The following ACTR5 variants were observed in gnomAD, a reference collection of about 807,000 sequenced individuals.
ACTR5 encodes the protein actin related protein 5.
Under a neutral mutation model 61.2 loss-of-function variants are expected in ACTR5, and 43 were observed. The ratio of observed to expected loss-of-function variants is 0.70; its 90% CI spans 0.55 to 0.91. The LOEUF (loss-of-function observed/expected upper bound fraction) is 0.91. ACTR5 is among the 40% of genes least tolerant of loss of function. The pLI, the probability that ACTR5 is intolerant of heterozygous loss-of-function variation, is 0.00. For synonymous variants in ACTR5, 333 were observed against 310.5 expected (o/e 1.07, Z -0.76); for missense variants, 798 against 782.2 (o/e 1.02, Z -0.24).
intron 3 of ACTR5, among the ~76,000 whole-genome samples, 191 bp from the exon 4 acceptor site, chr20:38,754,766 T>C (rs2084409263): frequency 6.6e-6 from 1 of 152,008 alleles, no homozygotes; most frequent in Admixed American, 6.6e-5. Context: ...TTTTTTTGTA[T>C]TTTTAGTAGA....
At chr20:38,750,921 G>A (rs2254369) in intron 2 of ACTR5, among the ~76,000 whole-genome samples, 38,280 of 151,998 alleles carry the variant, frequency 0.25, 4,961 homozygotes, top group Middle Eastern at 0.35. Context: ...GTGAGCCACC[G>A]CGCCCAGCCA....
intron 8 of ACTR5, 37 bp from the exon 9 acceptor site, chr20:38,771,522 C>G (rs1334462867): frequency 6.3e-7 from 1 of 1,590,552 alleles, no homozygotes; most frequent in African/African-American, 1.3e-5. Context: ...CTCCTGGAGC[C>G]CTGGTGGAGG....
intron 5 of ACTR5, among the ~76,000 whole-genome samples, chr20:38,762,248 A>C (rs1349546754): frequency 6.6e-6 from 1 of 152,240 alleles, no homozygotes; most frequent in African/African-American, 2.4e-5. Context: ...CCAGGCACCC[A>C]CATATGGCCT....
At chr20:38,751,538 T>C (rs1379128514) in intron 2 of ACTR5, among the ~76,000 whole-genome samples, 1 of 152,214 alleles carries the variant, frequency 6.6e-6, no homozygotes, top group African/African-American at 2.4e-5. Context: ...TGGCATCTGC[T>C]GGTGAGGTAT....
At chr20:38,763,616 C>T (rs2145674141) in intron 5 of ACTR5, among the ~76,000 whole-genome samples, 2 of 152,364 alleles carry the variant, frequency 1.3e-5, no homozygotes, top group East Asian at 3.9e-4. Flanking sequence ...TGGAACTGAG[C>T]AGTTCTGCCT....
chr20:38,756,190 T>C, intron 5 of ACTR5, 151 bp downstream of exon 5: 1 of 912,268 alleles, frequency 1.1e-6, no homozygotes, highest in South Asian at 1.9e-5. Flanking sequence ...TTGTACCAAC[T>C]GAAATTCTGT....
Position 38,771,674 on chromosome 20 carries a change from G to A in ACTR5, c.1682G>A (p.Gly561Glu). ...ACCAGGAAAGAGTATGAAGAAAAGG[G>A]AGGAGAGTACCTCAAGGAGCACTGT... ...WITRKEYEEK[G>E]GEYLKEHCAS... Residue 561 changes from glycine to glutamate, a missense_variant, in exon 9 of 9, where the codon GGA (glycine) becomes GAA (glutamate). Physicochemically the swap from Gly to Glu is moderately conservative, Grantham distance 98. Transcript: ENST00000243903. The A allele has an allele frequency of 6.2e-7, 1 of 1,614,204 alleles. No homozygotes were observed. Among genetic ancestry groups the A allele is most frequent in the South Asian group, 1.1e-5 (1 of 91,074 alleles).
At chr20:38,748,939 A>G (rs1197029391) in intron 1 of ACTR5, 86 bp downstream of exon 1, 2 of 1,479,002 alleles carry the variant, frequency 1.4e-6, no homozygotes, top group South Asian at 1.3e-5. Context: ...CGGAGAGGTA[A>G]CAGTCACTTC....
At chr20:38,771,419 C>A in intron 8 of ACTR5, 140 bp from the exon 9 acceptor site, 2 of 1,083,072 alleles carry the variant, frequency 1.8e-6, no homozygotes, top group Non-Finnish European at 2.7e-6. Context: ...GTGGAGCTAG[C>A]CCCGAACTGT....
At chr20:38,758,507 C>T (rs986832187) in intron 5 of ACTR5, among the ~76,000 whole-genome samples, 10 of 152,034 alleles carry the variant, frequency 6.6e-5, no homozygotes, top group Admixed American at 1.3e-4. Flanking sequence ...ATTAGCCGGG[C>T]GTCGGGGCAG....
chr20:38,758,180 TTGTC>T (rs773436827), intron 5 of ACTR5, among the ~76,000 whole-genome samples: 3 of 152,138 alleles, frequency 2.0e-5, no homozygotes, highest in South Asian at 2.1e-4. Flanking sequence ...CTTTGTTCAT[TTGTC>T]TGCATTTGTT....
At chr20:38,765,828 A>G (rs2084483063) in intron 6 of ACTR5, among the ~76,000 whole-genome samples, 1 of 152,198 alleles carries the variant, frequency 6.6e-6, no homozygotes, top group African/African-American at 2.4e-5. Flanking sequence ...AGTACACATA[A>G]TCCTCTTTGG....
rs779691553 is a variant in ACTR5, at chr20:38,750,149, A to G, written c.515A>G (p.Tyr172Cys). Reference sequence around the variant, plus strand: ...GGAATAGACAGCCTCTTCAGCTTCTACCACAATAAGCCAAAGAACTCGATG... The same window carrying G: ...GGAATAGACAGCCTCTTCAGCTTCTGCCACAATAAGCCAAAGAACTCGATG... ...AYGIDSLFSF[Y>C]HNKPKNSMCS... Residue 172 changes from tyrosine (Y) to cysteine (C), a missense_variant, in exon 2 of 9, where the codon TAC becomes TGC. Coordinates refer to ENST00000243903, the MANE Select transcript of ACTR5 (RefSeq NM_024855.4). The G allele has an allele frequency of 6.2e-7, 1 of 1,614,236 alleles. No individual in the cohort carries two copies. Among genetic ancestry groups the G allele is most frequent in the South Asian group, 1.1e-5 (1 of 91,084 alleles).
chr20:38,754,292 T>A (rs2084404712), intron 3 of ACTR5, among the ~76,000 whole-genome samples: 1 of 152,200 alleles, frequency 6.6e-6, no homozygotes, highest in Non-Finnish European at 1.5e-5. Flanking sequence ...AGCAGTTCTT[T>A]TAGAACAGGC....
At chr20:38,753,069 G>A (rs889622036) in intron 3 of ACTR5, among the ~76,000 whole-genome samples, 6 of 152,280 alleles carry the variant, frequency 3.9e-5, no homozygotes, top group Admixed American at 2.6e-4. Context: ...AAGAAGTTGC[G>A]GGAGACAGAT....
Position 38,752,178 on chromosome 20 carries a change from C to T in ACTR5, c.653C>T (p.Ala218Val), listed in dbSNP as rs774555920. Residue 218 changes from alanine (A) to valine (V), a missense_variant, in exon 3 of 9, where the codon GCA (alanine) becomes GTA (valine). Ala to Val is a moderately conservative substitution (Grantham distance 64). Coordinates refer to ENST00000243903, the MANE Select transcript of ACTR5 (RefSeq NM_024855.4). Reference sequence around the variant, plus strand: ...CGCATCAATCTTGGAGGAAGCCAAGCAGCTGGTTACCTCCAGCGTCTCCTC... The same window carrying T: ...CGCATCAATCTTGGAGGAAGCCAAGTAGCTGGTTACCTCCAGCGTCTCCTC... ...CKRINLGGSQ[A>V]AGYLQRLLQL... 1 of 1,613,886 alleles carries T rather than the reference C, an allele frequency of 6.2e-7. No individual in the cohort carries two copies. Among genetic ancestry groups the T allele is most frequent in the Non-Finnish European group, 8.5e-7 (1 of 1,179,904 alleles).
In ACTR5 at chr20:38,754,167, G is replaced by A. The variant is rs192077041; in HGVS notation, c.776-790G>A. On this transcript the variant is annotated intron_variant, in intron 3 of 8. Transcript: ENST00000243903. The stretch of plus-strand genomic sequence containing the variant: ...TTGTCAAATAGGTTTTAAAGAACTC[G>A]TAAGGAGATTAGTCTGTTATGTTTA... Among the ~76,000 whole-genome samples the A allele has an allele frequency of 4.6e-5, 7 of 152,292 alleles. No individual in the cohort carries two copies. In the East Asian group the frequency reaches 7.7e-4, roughly 17 times the overall value.
In ACTR5 at chr20:38,755,157, C is replaced by T. The variant is rs772671458; in HGVS notation, c.976C>T (p.Arg326Ter). ...KLQLDQERLD[R>*]LLYVQELLED... ...GCAGCTGGATCAGGAGCGTCTGGAC[C>T]GACTGCTATATGTGCAGGTAATAGC... is the stretch of plus-strand genomic sequence containing the variant. The change falls in exon 4 of 9, where the codon CGA becomes TGA. Residue 326 changes from arginine (R) to a stop codon, truncating the protein, a stop_gained. Transcript: ENST00000243903. LOFTEE classifies it high-confidence loss of function. 20 of 1,611,786 alleles carry T rather than the reference C, an allele frequency of 1.2e-5. No individual in the cohort carries two copies. Among genetic ancestry groups the T allele is most frequent in the South Asian group, 2.2e-5 (2 of 90,752 alleles).
chr20:38,759,819 G>A (rs933713061), intron 5 of ACTR5, among the ~76,000 whole-genome samples: 4 of 152,140 alleles, frequency 2.6e-5, no homozygotes, highest in African/African-American at 9.7e-5. Flanking sequence ...GTAAATGTGT[G>A]TGGGAATACA....
Sources: gnomAD v4.1 joint callset for allele counts (sites outside exome capture counted in the v4.1 genomes callset) on GRCh38, gnomAD v4.1.1 for gene constraint, MANE v1.5 for transcripts, NCBI Gene and HGNC (gene_info 2026-07-23, HGNC 2026-07-21) for gene names.